NKAIN2: variants seen among roughly 807,000 people sequenced by gnomAD.
The protein encoded by NKAIN2 is sodium/potassium-transporting ATPase subunit beta-1-interacting protein 2.
Under a neutral mutation model 32.6 loss-of-function variants are expected in NKAIN2, and 14 were observed. The observed-to-expected ratio is 0.43, with a 90% confidence interval of 0.28 to 0.67. The LOEUF (loss-of-function observed/expected upper bound fraction) is 0.67, where lower values mean the gene tolerates loss of function less well. Among genes scored for constraint, NKAIN2 ranks in the 30% least tolerant of loss-of-function variants. The pLI is 0.17. For synonymous variants in NKAIN2, 80 were observed against 87.2 expected (o/e 0.92, Z 0.46); for missense variants, 198 against 258.3 (o/e 0.77, Z 1.60).
chr6:124,780,152 C>T (rs1215651852), intron 4 of NKAIN2, among the ~76,000 whole-genome samples: 1 of 152,176 alleles, frequency 6.6e-6, no homozygotes, highest in Non-Finnish European at 1.5e-5. Context: ...TTATCAAAAT[C>T]AGAACAGGTG....
At chr6:124,721,551 C>T (rs1225524085) in intron 4 of NKAIN2, among the ~76,000 whole-genome samples, 1 of 152,132 alleles carries the variant, frequency 6.6e-6, no homozygotes, top group Admixed American at 6.5e-5. Flanking sequence ...GAATTACAAA[C>T]ATATGTAATA....
At chr6:124,652,372 G>GT (rs1213265500) in intron 3 of NKAIN2, among the ~76,000 whole-genome samples, 1 of 152,138 alleles carries the variant, frequency 6.6e-6, no homozygotes, top group Admixed American at 6.5e-5. Context: ...CTTCTTCTGA[G>GT]TTTTCACCAG....
intron 3 of NKAIN2, among the ~76,000 whole-genome samples, chr6:124,405,041 T>C (rs1200840948): frequency 6.6e-6 from 1 of 152,192 alleles, no homozygotes; most frequent in Non-Finnish European, 1.5e-5. Context: ...ATGAATGCCG[T>C]GTACAAACTA....
At chr6:124,781,549 G>A (rs768870344) in intron 4 of NKAIN2, among the ~76,000 whole-genome samples, 5 of 152,104 alleles carry the variant, frequency 3.3e-5, no homozygotes, top group African/African-American at 4.8e-5. Context: ...GTAATGCACA[G>A]AAATACAATT....
At chr6:123,866,569 T>TA (rs1313098856) in intron 1 of NKAIN2, among the ~76,000 whole-genome samples, 1 of 152,186 alleles carries the variant, frequency 6.6e-6, no homozygotes, top group East Asian at 1.9e-4. Context: ...TAGCTGGGAC[T>TA]ACAGACGCCC....
intron 4 of NKAIN2, among the ~76,000 whole-genome samples, chr6:124,703,999 G>A (rs115609475): frequency 0.029 from 4,399 of 151,972 alleles, 215 homozygotes; most frequent in African/African-American, 0.099. Context: ...TTATGGTACC[G>A]AAGAGTAGTA....
At chr6:124,712,067 A>G (rs974080515) in intron 4 of NKAIN2, among the ~76,000 whole-genome samples, 10 of 151,284 alleles carry the variant, frequency 6.6e-5, no homozygotes, top group South Asian at 4.2e-4. Context: ...GTCTGTTGGA[A>G]TACCCTGCCG....
At chr6:124,629,382 GA>G (rs1167449044) in intron 3 of NKAIN2, among the ~76,000 whole-genome samples, 1 of 152,096 alleles carries the variant, frequency 6.6e-6, no homozygotes, top group African/African-American at 2.4e-5. Flanking sequence ...GTTGCCTTTA[GA>G]AGGCTCTGAA....
chr6:123,999,658 T>C (rs1779791084), intron 1 of NKAIN2, among the ~76,000 whole-genome samples: 1 of 152,220 alleles, frequency 6.6e-6, no homozygotes, highest in Non-Finnish European at 1.5e-5. Context: ...TGAAATATAG[T>C]ACTGCTTTTA....
At chr6:124,593,335 AC>A (rs1421970953) in intron 3 of NKAIN2, among the ~76,000 whole-genome samples, 1 of 152,080 alleles carries the variant, frequency 6.6e-6, no homozygotes, top group Non-Finnish European at 1.5e-5. Context: ...TTACCTAAAA[AC>A]TTTTTTTAAA....
intron 5 of NKAIN2, among the ~76,000 whole-genome samples, chr6:124,802,351 T>C (rs1222356505): frequency 6.6e-6 from 1 of 152,192 alleles, no homozygotes; most frequent in Non-Finnish European, 1.5e-5. Flanking sequence ...TTGTAATAAC[T>C]GCTCCTTCCA....
At chr6:124,819,724 G>A (rs1340469751) in intron 6 of NKAIN2, among the ~76,000 whole-genome samples, 1 of 152,236 alleles carries the variant, frequency 6.6e-6, no homozygotes, top group Admixed American at 6.5e-5. Flanking sequence ...ATTACCTACT[G>A]TTGAAACAGT....
At chr6:124,273,235 G>T (rs1474679755) in intron 1 of NKAIN2, among the ~76,000 whole-genome samples, 2 of 152,180 alleles carry the variant, frequency 1.3e-5, no homozygotes, top group African/African-American at 4.8e-5. Context: ...CTCCATGTGT[G>T]GAGGGAAGGA....
intron 1 of NKAIN2, among the ~76,000 whole-genome samples, chr6:124,230,900 C>T (rs1029577051): frequency 3.9e-5 from 6 of 152,178 alleles, no homozygotes; most frequent in Non-Finnish European, 8.8e-5. Context: ...TACTGGGGCA[C>T]CTCCTAGTGG....
At chr6:123,865,534 C>G (rs575337334) in intron 1 of NKAIN2, among the ~76,000 whole-genome samples, 1 of 151,954 alleles carries the variant, frequency 6.6e-6, no homozygotes, top group Non-Finnish European at 1.5e-5. Flanking sequence ...AATTAAATAT[C>G]GTTATATTTC....
intron 1 of NKAIN2, among the ~76,000 whole-genome samples, chr6:124,171,714 C>T (rs555195309): frequency 6.6e-5 from 10 of 151,796 alleles, no homozygotes; most frequent in African/African-American, 2.4e-4. Context: ...CCACGCCCGG[C>T]TAATTTTTTT....
At chr6:124,512,242 G>A (rs891442060) in intron 3 of NKAIN2, among the ~76,000 whole-genome samples, 1 of 152,076 alleles carries the variant, frequency 6.6e-6, no homozygotes, top group Non-Finnish European at 1.5e-5. Context: ...AATCACAATG[G>A]CACCCAAATA....
At chr6:124,555,749 C>T (rs925392781) in intron 3 of NKAIN2, among the ~76,000 whole-genome samples, 1 of 152,192 alleles carries the variant, frequency 6.6e-6, no homozygotes, top group African/African-American at 2.4e-5. Context: ...GAGATTATTA[C>T]ACTTGCATTA....
intron 3 of NKAIN2, among the ~76,000 whole-genome samples, chr6:124,425,844 T>C (rs1430484560): frequency 1.3e-5 from 2 of 152,164 alleles, no homozygotes; most frequent in East Asian, 3.8e-4. Flanking sequence ...GAACCCTTAT[T>C]GTAAAGACTG....
Sources: allele counts gnomAD v4.1 joint callset (sites outside exome capture counted in the v4.1 genomes callset), GRCh38; gene constraint gnomAD v4.1.1; transcripts MANE v1.5; gene names NCBI Gene and HGNC (gene_info 2026-07-23, HGNC 2026-07-21).